TRDN: variants seen among roughly 807,000 people sequenced by gnomAD.
TRDN encodes triadin in skeletal muscle.
Under a neutral mutation model 149.7 loss-of-function variants are expected in TRDN, and 161 were observed. The observed-to-expected ratio is 1.08, with a 90% confidence interval of 0.95 to 1.23. TRDN has a LOEUF of 1.23. TRDN is among the 50% of genes most tolerant of loss of function. The probability of loss-of-function intolerance (pLI) is 0.00; values close to 1 mark genes in which losing one functional copy is unlikely to be tolerated. For missense variants in TRDN, 896 were observed against 823.5 expected (o/e 1.09, Z -1.08); for synonymous variants, 294 against 250.5 (o/e 1.17, Z -1.64).
chr6:123,621,149 C>T (rs1242303906), intron 1 of TRDN, among the ~76,000 whole-genome samples: 2 of 151,976 alleles, frequency 1.3e-5, no homozygotes, highest in East Asian at 3.9e-4. Context: ...ACATTGCTGC[C>T]CATACAGTCT....
At chr6:123,296,218 A>G (rs995120864) in intron 24 of TRDN, among the ~76,000 whole-genome samples, 12 of 152,160 alleles carry the variant, frequency 7.9e-5, no homozygotes, top group African/African-American at 2.9e-4. Context: ...TCTTGTTTTT[A>G]AGACCAGTGA....
intron 4 of TRDN, among the ~76,000 whole-genome samples, chr6:123,536,172 T>C (rs894602968): frequency 5.3e-5 from 8 of 152,146 alleles, no homozygotes; most frequent in Admixed American, 1.3e-4. Context: ...ATGCCATCTA[T>C]TATTATTATT....
At chr6:123,634,206 G>GA (rs1448413718) in intron 1 of TRDN, among the ~76,000 whole-genome samples, 2 of 151,936 alleles carry the variant, frequency 1.3e-5, no homozygotes, top group Non-Finnish European at 2.9e-5. Flanking sequence ...AGAGGCAAGA[G>GA]AATCTTGGCT....
rs369016138 is a variant in TRDN, at chr6:123,284,853, C to T, written c.1511-5771G>A. Among the ~76,000 whole-genome samples, 21 of 152,156 alleles carry T rather than the reference C, an allele frequency of 1.4e-4. 1 individual carries two copies. The highest frequency in any genetic ancestry group is 5.1e-4 in the African/African-American group (21 of 41,542). ...AATTAATGTACACACATCAGTAGCT[C>T]TGCTATATACCAGCAGTGACCAAGC... is the stretch of plus-strand genomic sequence containing the variant. On this transcript the variant is annotated intron_variant, in intron 24 of 40. Transcript: ENST00000334268.
intron 21 of TRDN, chr6:123,350,286 T>C: frequency 1.1e-6 from 1 of 947,174 alleles, no homozygotes; most frequent in Non-Finnish European, 1.3e-6. Context: ...AATTTTGAGA[T>C]ACTGGAATAT....
intron 5 of TRDN, among the ~76,000 whole-genome samples, chr6:123,518,146 T>A (rs1270654783): frequency 1.3e-5 from 2 of 152,178 alleles, no homozygotes; most frequent in African/African-American, 2.4e-5. Flanking sequence ...TTTATTGAAA[T>A]TTCTCAAATA....
chr6:123,591,422 T>A (rs1783776615), intron 1 of TRDN, among the ~76,000 whole-genome samples: 1 of 152,104 alleles, frequency 6.6e-6, no homozygotes, highest in African/African-American at 2.4e-5. Flanking sequence ...ATTTTTGTAT[T>A]TTTAGTACAG....
intron 24 of TRDN, among the ~76,000 whole-genome samples, chr6:123,302,005 G>A (rs1312746058): frequency 6.7e-6 from 1 of 149,390 alleles, no homozygotes; most frequent in East Asian, 2.0e-4. Context: ...CATCCTCAAA[G>A]GCTAGCAAGG....
intron 5 of TRDN, chr6:123,528,862 C>T (rs12194575): frequency 0.48 from 491,641 of 1,023,038 alleles, 119,333 homozygotes; most frequent in Admixed American, 0.52. Context: ...GCAACTGAAG[C>T]TCTACTTTCA....
chr6:123,234,683 G>A (rs1285473066), intron 38 of TRDN, among the ~76,000 whole-genome samples: 1 of 152,080 alleles, frequency 6.6e-6, no homozygotes, highest in African/African-American at 2.4e-5. Context: ...ATGATAGACT[G>A]AATACACTAA....
chr6:123,565,502 G>A (rs1782238298), intron 2 of TRDN, among the ~76,000 whole-genome samples: 1 of 152,190 alleles, frequency 6.6e-6, no homozygotes, highest in African/African-American at 2.4e-5. Context: ...CCTATATGAA[G>A]ACTTTGCACA....
At chr6:123,517,260 T>G (rs1185575896) in intron 5 of TRDN, among the ~76,000 whole-genome samples, 1 of 152,094 alleles carries the variant, frequency 6.6e-6, no homozygotes, top group Non-Finnish European at 1.5e-5. Context: ...GAAATTAGCC[T>G]AGTAAGAGAT....
chr6:123,568,869 C>T (rs945159730), intron 2 of TRDN, among the ~76,000 whole-genome samples: 5 of 152,220 alleles, frequency 3.3e-5, no homozygotes, highest in South Asian at 2.1e-4. Flanking sequence ...GCTATCAGCA[C>T]GTAGCTTCTT....
At chr6:123,261,203 T>C (rs1036615692) in intron 33 of TRDN, among the ~76,000 whole-genome samples, 14 of 151,906 alleles carry the variant, frequency 9.2e-5, no homozygotes, top group South Asian at 2.1e-4. Context: ...GTTTTCTTAG[T>C]TACAAATTAT....
At chr6:123,234,195 A>G (rs1775707067) in intron 38 of TRDN, among the ~76,000 whole-genome samples, 1 of 152,106 alleles carries the variant, frequency 6.6e-6, no homozygotes, top group Non-Finnish European at 1.5e-5. Context: ...TTATGAATTT[A>G]GTGCTAATTT....
chr6:123,571,732 T>A (rs1171068154), intron 1 of TRDN, among the ~76,000 whole-genome samples: 1 of 152,144 alleles, frequency 6.6e-6, no homozygotes, highest in East Asian at 1.9e-4. Context: ...TACATACATA[T>A]AAATATATAA....
At chr6:123,593,285 T>C (rs1223233484) in intron 1 of TRDN, among the ~76,000 whole-genome samples, 1 of 152,186 alleles carries the variant, frequency 6.6e-6, no homozygotes, top group African/African-American at 2.4e-5. Context: ...CTGAGAAATA[T>C]TCCATCATTT....
intron 14 of TRDN, among the ~76,000 whole-genome samples, chr6:123,387,973 A>G (rs1781970444): frequency 6.6e-6 from 1 of 152,118 alleles, no homozygotes; most frequent in South Asian, 2.1e-4. Context: ...TCTTGAATCT[A>G]CAAAAGCACA....
At position 123,504,894 on chromosome 6, in the gene TRDN, G is replaced by A. The variant is rs368590776; in HGVS notation, c.611-993C>T. On this transcript the variant is annotated intron_variant, in intron 7 of 40. Coordinates refer to ENST00000334268, the MANE Select transcript of TRDN (RefSeq NM_006073.4). ...CCACAGCAACTCTACTGCAATGTTGGAATCCTCTATGTCATTTGCTAATGC... is the reference window on the plus strand; with the variant it reads ...CCACAGCAACTCTACTGCAATGTTGAAATCCTCTATGTCATTTGCTAATGC... Among the ~76,000 whole-genome samples the A allele has an allele frequency of 3.9e-4, 60 of 152,254 alleles. 2 individuals are homozygous for A. The South Asian group carries it at 0.012, about 32-fold the overall frequency.
Sources: allele counts gnomAD v4.1 joint callset (sites outside exome capture counted in the v4.1 genomes callset), GRCh38; gene constraint gnomAD v4.1.1; transcripts MANE v1.5; gene names NCBI Gene and HGNC (gene_info 2026-07-23, HGNC 2026-07-21).